UGGT1: variants seen among roughly 807,000 people sequenced by gnomAD.
The protein encoded by UGGT1 is UDP-glucose:glycoprotein glucosyltransferase 1.
In UGGT1, 107 loss-of-function variants were observed where a neutral mutation model predicts 203.9. The ratio of observed to expected loss-of-function variants is 0.52; its 90% confidence interval spans 0.45 to 0.62. The LOEUF is 0.62. UGGT1 is among the 20% of genes least tolerant of loss of function. The pLI is 0.00. For missense variants in UGGT1, 1,673 were observed against 1,867.2 expected, an observed-to-expected ratio of 0.90 and a Z score of 1.92; for synonymous variants, 628 against 653.5, an observed-to-expected ratio of 0.96 and a Z score of 0.59.
intron 12 of UGGT1, among the ~76,000 whole-genome samples, chr2:128,127,665 G>A (rs1410006410): frequency 6.6e-6 from 1 of 152,174 alleles, no homozygotes; most frequent in African/African-American, 2.4e-5. Context: ...TTCAAGGCCT[G>A]AGTGTTTTCT....
At chr2:128,152,608 T>G (rs1267744987) in intron 18 of UGGT1, among the ~76,000 whole-genome samples, 176 bp from the exon 19 acceptor site, 2 of 152,256 alleles carry the variant, frequency 1.3e-5, no homozygotes, top group Non-Finnish European at 2.9e-5. Flanking sequence ...CTGTAGGTGA[T>G]GTGCCCAGGT....
intron 2 of UGGT1, among the ~76,000 whole-genome samples, chr2:128,098,635 AG>A (rs1451487810): frequency 6.6e-6 from 1 of 151,460 alleles, no homozygotes; most frequent in Non-Finnish European, 1.5e-5. Context: ...CTATAGTCCC[AG>A]CTACTTGGGA....
rs954162743 is a variant in UGGT1, at chr2:128,120,519, T to G, written c.973+63T>G. 2.3e-6 allele frequency: 3 copies of G among 1,325,412 alleles called. No individual in the cohort carries two copies. The Admixed American group carries it at 5.9e-5, about 26-fold the overall frequency. 82.1% of individuals were successfully genotyped at this position (1,325,412 alleles called of 1,614,324 possible). A position where few individuals can be genotyped will look rare whatever the true frequency, so the allele number is the denominator to read the frequency against. On this transcript the variant is annotated intron_variant, in intron 9 of 40. Transcript: ENST00000259253. ...GGCTAAGTTTTATGGCTTTAAAAAA[T>G]GCAAAATTTGAATTTAATTGTATGT...
At chr2:128,139,559 C>A (rs1689306831) in intron 16 of UGGT1, among the ~76,000 whole-genome samples, 1 of 152,144 alleles carries the variant, frequency 6.6e-6, no homozygotes, top group Non-Finnish European at 1.5e-5. Flanking sequence ...CAGAAACAGT[C>A]CAGCACTCAG....
At chr2:128,125,922 T>A (rs1036039646) in intron 11 of UGGT1, among the ~76,000 whole-genome samples, 19 of 151,494 alleles carry the variant, frequency 1.3e-4, no homozygotes, top group African/African-American at 4.4e-4. Flanking sequence ...TAAAACATTT[T>A]ATTAAAGCAT....
In UGGT1 at chr2:128,141,897, A is replaced by G. The variant is rs553328092; in HGVS notation, c.1720-1197A>G. 2.0e-5 allele frequency among the ~76,000 whole-genome samples: 3 copies of G among 151,918 alleles called. No individual in the cohort carries two copies. The South Asian group carries it at 6.2e-4, about 32-fold the overall frequency. The stretch of plus-strand genomic sequence containing the variant: ...CTCTCCCTTTCCTCATCCCTCCTAA[A>G]CATCGTGGATGTAGTTTTTATTTCA... On this transcript the variant is annotated intron_variant, in intron 16 of 40. Coordinates refer to ENST00000259253, the MANE Select transcript of UGGT1 (RefSeq NM_020120.4).
At position 128,127,357 on chromosome 2, in the gene UGGT1, T is replaced by A. The variant is rs76025703; in HGVS notation, c.1135-4T>A. 6.2e-7 allele frequency: 1 copy of A among 1,603,084 alleles called. No homozygotes were observed. The highest frequency in any genetic ancestry group is 8.5e-7 in the Non-Finnish European group (1 of 1,173,044). ...GCTCCCTAATAATTATTAAAATTTT[T>A]CAGTATTTCAAGGGAACTTTAGGAT... On this transcript the variant is annotated splice_polypyrimidine_tract_variant and splice_region_variant and intron_variant, in intron 11 of 40. Coordinates refer to ENST00000259253, the MANE Select transcript of UGGT1 (RefSeq NM_020120.4).
chr2:128,179,701 T>G, intron 34 of UGGT1, 85 bp from the exon 35 acceptor site: 6 of 1,145,076 alleles, frequency 5.2e-6, no homozygotes, highest in Non-Finnish European at 6.4e-6. Flanking sequence ...AAAGAGCATT[T>G]AGGTGTCTCG....
At chr2:128,143,984 C>T (rs1231562898) in intron 17 of UGGT1, among the ~76,000 whole-genome samples, 1 of 152,094 alleles carries the variant, frequency 6.6e-6, no homozygotes, top group African/African-American at 2.4e-5. Context: ...GCTATGATAT[C>T]TTCTGTGTCT....
chr2:128,117,279 G>A (rs1194495544), intron 8 of UGGT1, among the ~76,000 whole-genome samples: 1 of 151,926 alleles, frequency 6.6e-6, no homozygotes, highest in African/African-American at 2.4e-5. Context: ...TAGTAGAGAC[G>A]GGGTTTCACC....
intron 8 of UGGT1, among the ~76,000 whole-genome samples, chr2:128,116,651 A>C (rs926503933): frequency 2.6e-5 from 4 of 151,992 alleles, no homozygotes; most frequent in African/African-American, 9.7e-5. Context: ...CAGCCTCCCA[A>C]GTAGCTGGGA....
At chr2:128,094,320 T>C (rs982430890) in intron 1 of UGGT1, among the ~76,000 whole-genome samples, 1 of 152,190 alleles carries the variant, frequency 6.6e-6, no homozygotes, top group African/African-American at 2.4e-5. Flanking sequence ...GAGGATATAT[T>C]TCCAATGTGT....
At chr2:128,187,684 A>G (rs910635593) in intron 40 of UGGT1, 70 bp downstream of exon 40, 21 of 1,455,074 alleles carry the variant, frequency 1.4e-5, no homozygotes, top group Middle Eastern at 1.8e-4. Flanking sequence ...TGTAAAGACA[A>G]TAGAATAATG....
rs779823733 is a variant in UGGT1 at position 128,108,199 on chromosome 2, A to AT, written c.408+136dup. On this transcript the variant is annotated intron_variant, in intron 4 of 40. Transcript: ENST00000259253. ...TGCCTGAAATTTTCTAGGATTTATGATTTTTAAAAAAAATAATAAGCAAAA... is the reference window on the plus strand; with the variant it reads ...TGCCTGAAATTTTCTAGGATTTATGATTTTTTAAAAAAAATAATAAGCAAAA... 1,311 of 1,195,288 alleles carry AT rather than the reference A, an allele frequency of 1.1e-3. 2 individuals are homozygous for AT. The highest frequency in any genetic ancestry group is 1.4e-3 in the Non-Finnish European group (1,249 of 874,466). 74.0% of individuals were successfully genotyped at this position (1,195,288 alleles called of 1,614,324 possible).
chr2:128,117,671 G>A (rs1009257050), intron 8 of UGGT1, among the ~76,000 whole-genome samples: 1 of 150,942 alleles, frequency 6.6e-6, no homozygotes, highest in African/African-American at 2.4e-5. Flanking sequence ...AGCCTCCCAA[G>A]TAGTTGGAAC....
chr2:128,179,672 C>A, intron 34 of UGGT1, 114 bp from the exon 35 acceptor site: 2 of 803,318 alleles, frequency 2.5e-6, no homozygotes, highest in Non-Finnish European at 2.0e-6. Flanking sequence ...CTAATTGAGC[C>A]ATTAGTTAGC....
intron 38 of UGGT1, 81 bp from the exon 39 acceptor site, chr2:128,186,602 A>G (rs1366779692): frequency 1.7e-6 from 2 of 1,173,178 alleles, no homozygotes; most frequent in Non-Finnish European, 2.4e-6. Flanking sequence ...GTGGGACCCC[A>G]TCTCTCAATA....
intron 10 of UGGT1, among the ~76,000 whole-genome samples, chr2:128,122,702 GTT>G (rs1688437975): frequency 6.6e-6 from 1 of 152,162 alleles, no homozygotes; most frequent in Non-Finnish European, 1.5e-5. Context: ...TGAATGAAGT[GTT>G]TTGACTTCTG....
At chr2:128,153,054 C>A in intron 19 of UGGT1, 150 bp downstream of exon 19, 1 of 1,107,898 alleles carries the variant, frequency 9.0e-7, no homozygotes, top group East Asian at 2.6e-5. Flanking sequence ...AAACTCTTTG[C>A]ACCTTTAGTT....
Sources: gnomAD v4.1 joint callset for allele counts (sites outside exome capture counted in the v4.1 genomes callset) on GRCh38, gnomAD v4.1.1 for gene constraint, MANE v1.5 for transcripts, NCBI Gene and HGNC (gene_info 2026-07-23, HGNC 2026-07-21) for gene names.